AHRR: variants seen among roughly 807,000 people sequenced by gnomAD.
The protein encoded by AHRR is aryl hydrocarbon receptor repressor, also known as ahR repressor.
AHRR carries 28 observed loss-of-function variants against 44.0 expected under a neutral mutation model. The ratio of observed to expected loss-of-function variants is 0.64; its 90% CI spans 0.47 to 0.87. The LOEUF (loss-of-function observed/expected upper bound fraction) is 0.87. AHRR is among the 40% of genes least tolerant of loss of function. The pLI, the probability that AHRR is intolerant of heterozygous loss-of-function variation, is 0.00. For missense variants in AHRR, 990 were observed against 953.9 expected (o/e 1.04, Z -0.50); for synonymous variants, 434 against 407.0 (o/e 1.07, Z -0.80).
Position 434,738 on chromosome 5 carries a change from T to A in AHRR, c.1998T>A (p.Ala666=). The A allele has an allele frequency of 6.4e-7, 1 of 1,569,892 alleles. No homozygotes were observed. Among genetic ancestry groups the A allele is most frequent in the Middle Eastern group, 1.7e-4 (1 of 5,898 alleles). Residue 666 remains alanine (A), a synonymous_variant, in exon 11 of 11, where the codon GCT becomes GCA. Coordinates refer to ENST00000684583, the MANE Select transcript of AHRR (RefSeq NM_001377236.1). ...KREPLDSPQW[A]THSQGMVPGM... is the part of the protein sequence containing the mutation. The stretch of plus-strand genomic sequence containing the variant: ...AGCCCTTGGACTCACCCCAGTGGGC[T>A]ACTCACAGCCAGGGAATGGTGCCCG...
chr5:329,949 C>T (rs1741854717), intron 1 of AHRR, among the ~76,000 whole-genome samples: 1 of 151,980 alleles, frequency 6.6e-6, no homozygotes, highest in South Asian at 2.1e-4. Flanking sequence ...GTCTGAATGC[C>T]TTTTATGTAC....
rs566285490 is a variant in AHRR, at chr5:406,553, G to A, written c.352-6791G>A. 1.6e-4 allele frequency among the ~76,000 whole-genome samples: 25 copies of A among 152,346 alleles called. No homozygotes were observed. The highest frequency in any genetic ancestry group is 3.1e-4 in the Non-Finnish European group (21 of 68,026). On this transcript the variant is annotated intron_variant, in intron 4 of 10. Coordinates refer to ENST00000684583, the MANE Select transcript of AHRR (RefSeq NM_001377236.1). The surrounding 1 kb of genome is among the most constrained non-coding windows in gnomAD (Gnocchi z 4.7). Reference sequence around the variant, plus strand: ...AATTTCAGGAAAACGTTAAGAAACAGAAAATACTCAAGCTGGTTAGGCTAT... The same window carrying A: ...AATTTCAGGAAAACGTTAAGAAACAAAAAATACTCAAGCTGGTTAGGCTAT...
At chr5:328,227 C>T (rs1309131617) in intron 1 of AHRR, among the ~76,000 whole-genome samples, 1 of 143,448 alleles carries the variant, frequency 7.0e-6, no homozygotes, top group East Asian at 2.2e-4. Flanking sequence ...TATGAGTTCC[C>T]TTTTCTCTGC....
At chr5:322,213 G>C (rs1038846143) in intron 1 of AHRR, among the ~76,000 whole-genome samples, 2 of 152,166 alleles carry the variant, frequency 1.3e-5, no homozygotes, top group African/African-American at 4.8e-5. Flanking sequence ...CCCCGGGAAA[G>C]GCCCATGTTC....
chr5:344,851 GGT>G (rs757690919), intron 2 of AHRR, among the ~76,000 whole-genome samples: 69 of 104,574 alleles, frequency 6.6e-4, no homozygotes, highest in Non-Finnish European at 8.1e-4. Flanking sequence ...GTGTGTGTGG[GGT>G]GTGTGAGACT....
intron 4 of AHRR, among the ~76,000 whole-genome samples, chr5:399,223 G>A (rs6887131): frequency 0.034 from 5,236 of 152,300 alleles, 271 homozygotes; most frequent in African/African-American, 0.12. Flanking sequence ...CACCCAGGGC[G>A]TGGGGTCCCA....
At chr5:333,202 C>T (rs1419095307) in intron 1 of AHRR, among the ~76,000 whole-genome samples, 6 of 152,116 alleles carry the variant, frequency 3.9e-5, no homozygotes, top group African/African-American at 1.4e-4. Flanking sequence ...GGAACAATGC[C>T]CAGCCTATGT....
At chr5:389,193 G>A (rs9313058) in intron 4 of AHRR, among the ~76,000 whole-genome samples, 157 of 144,612 alleles carry the variant, frequency 1.1e-3, no homozygotes, top group Non-Finnish European at 1.5e-3. Flanking sequence ...TGGGGGTGTC[G>A]AAGGCGGGGG....
At position 343,952 on chromosome 5, in the gene AHRR, C is replaced by T; in HGVS notation, c.50C>T (p.Pro17Leu). The T allele has an allele frequency of 6.3e-7, 1 of 1,599,018 alleles. No individual in the cohort carries two copies. The highest frequency in any genetic ancestry group is 8.5e-7 in the Non-Finnish European group (1 of 1,173,494). ...CTYAGRKRRR[P>L]LQKQRPAVGA... ...TACGCGGGCCGGAAGCGGAGGAGGC[C>T]CCTGCAGAAACAGTAAAGTATCCCG... The change falls in exon 2 of 11, where the codon CCC becomes CTC. Residue 17 changes from proline to leucine, a missense_variant. Physicochemically the swap from Pro to Leu is moderately conservative, Grantham distance 98. Transcript: ENST00000684583.
Position 435,075 on chromosome 5 carries a change from T to G in AHRR, c.*241T>G, listed in dbSNP as rs1340804136. Reference sequence around the variant, plus strand: ...TTAAGTCTATTCAAGCATGACAGCATTTCTCTTTGAGGAATTAAAATCTTT... The same window carrying G: ...TTAAGTCTATTCAAGCATGACAGCAGTTCTCTTTGAGGAATTAAAATCTTT... On this transcript the variant is annotated 3_prime_UTR_variant, in exon 11 of 11. Coordinates refer to ENST00000684583, the MANE Select transcript of AHRR (RefSeq NM_001377236.1). The G allele has an allele frequency of 1.8e-6, 1 of 548,836 alleles. No individual in the cohort carries two copies. The highest frequency in any genetic ancestry group is 3.4e-5 in the Admixed American group (1 of 29,042). The allele number at this position is 548,836 out of a possible 1,614,324, so 34.0% of individuals were successfully genotyped here.
rs1407799619 is a variant in AHRR at position 401,244 on chromosome 5, TGCCAGCCTGAGGG to T, written c.352-12087_352-12075del. On this transcript the variant is annotated intron_variant, in intron 4 of 10. Coordinates refer to ENST00000684583, the MANE Select transcript of AHRR (RefSeq NM_001377236.1). ...GGGCTGCAGGAGTCTGAGGGGTGGA[TGCCAGCCTGAGGG>T]GCCAGCCTGAGGCACAGTGGTAGTT... Among the ~76,000 whole-genome samples the T allele has an allele frequency of 2.0e-5, 3 of 152,310 alleles. No homozygotes were observed. In the East Asian group the frequency reaches 5.8e-4, roughly 29 times the overall value.
chr5:414,262 CAAAAATAAAAATA>C (rs1735612856), intron 5 of AHRR, among the ~76,000 whole-genome samples: 1 of 151,192 alleles, frequency 6.6e-6, no homozygotes, highest in South Asian at 2.1e-4. Flanking sequence ...GACTCCATCT[CAAAAATAAAAATA>C]AAAAATAAAA....
chr5:432,633 C>T, intron 9 of AHRR, 109 bp downstream of exon 9: 1 of 1,514,864 alleles, frequency 6.6e-7, no homozygotes, highest in Non-Finnish European at 9.1e-7. Context: ...ATGGAAAAGC[C>T]ATTTTGCAGA....
At position 422,720 on chromosome 5, in the gene AHRR, C is replaced by T. The variant is rs377739495; in HGVS notation, c.442-9C>T. 11 of 1,614,168 alleles carry T rather than the reference C, an allele frequency of 6.8e-6. No homozygotes were observed. In the East Asian group the frequency reaches 2.0e-4, roughly 29 times the overall value. On this transcript the variant is annotated splice_polypyrimidine_tract_variant and intron_variant, in intron 5 of 10. Coordinates refer to ENST00000684583, the MANE Select transcript of AHRR (RefSeq NM_001377236.1). ...GTAAGGCTGAAATAATCTTGTTGCG[C>T]TATTTCAGACGGATGTAATGCACCA...
chr5:367,888 C>T (rs776245944), intron 3 of AHRR: 21 of 702,420 alleles, frequency 3.0e-5, no homozygotes, highest in Admixed American at 8.0e-5. Context: ...CAGGAGGCCC[C>T]GAGCATTGGA....
At chr5:332,571 T>C (rs2126332296) in intron 1 of AHRR, among the ~76,000 whole-genome samples, 1 of 152,146 alleles carries the variant, frequency 6.6e-6, no homozygotes, top group East Asian at 1.9e-4. Flanking sequence ...TGGCCAATAC[T>C]TGTTTTGTGG....
intron 1 of AHRR, among the ~76,000 whole-genome samples, chr5:332,929 C>CTTTTTTTTTTTTTTTTT (rs57937804): frequency 1.5e-5 from 2 of 132,082 alleles, no homozygotes; most frequent in Admixed American, 7.5e-5. Context: ...TGACCTTTGT[C>CTTTTTTTTTTTTTTTTT]TTTTTTTTTT....
rs529368124 is a variant in AHRR, at chr5:434,812, C to T, written c.2072C>T (p.Ser691Leu). 45 of 1,551,026 alleles carry T rather than the reference C, an allele frequency of 2.9e-5. No individual in the cohort carries two copies. Among genetic ancestry groups the T allele is most frequent in the Admixed American group, 1.7e-4 (9 of 51,594 alleles). The change falls in exon 11 of 11, where the codon TCG becomes TTG. Residue 691 changes from serine (S) to leucine (L), a missense_variant. Transcript: ENST00000684583. ...GCCACGCTGGTCCCGCCCCAAGCTT[C>T]GGGGTGCACATTCCTGCCATAGCGC... ...ALATLVPPQA[S>L]GCTFLP
chr5:326,499 A>G lies in AHRR; in HGVS notation c.-11+4680A>G, dbSNP rs1393745522. 1.3e-5 allele frequency among the ~76,000 whole-genome samples: 2 copies of G among 152,190 alleles called. No homozygotes were observed. Among genetic ancestry groups the G allele is most frequent in the East Asian group, 3.9e-4 (2 of 5,194 alleles). On this transcript the variant is annotated intron_variant, in intron 1 of 10. Transcript: ENST00000684583. The surrounding 1 kb of genome is among the most constrained non-coding windows in gnomAD (Gnocchi z 4.1). ...TTTACTGATCCCTCAGCTGATGGAC[A>G]TTTAGGTTGTTTACATTTTTTGGCT...
Sources: allele counts gnomAD v4.1 joint callset (sites outside exome capture counted in the v4.1 genomes callset), GRCh38; gene constraint gnomAD v4.1.1; non-coding constraint Gnocchi (gnomAD v3.1); transcripts MANE v1.5; gene names NCBI Gene and HGNC (gene_info 2026-07-23, HGNC 2026-07-21).